Variants in RRAS2 observed in about 807,000 individuals in gnomAD.
RRAS2 encodes RAS related 2, also known as ras-related protein R-Ras2.
In RRAS2, 7 loss-of-function variants were observed where a neutral mutation model predicts 27.6. The observed-to-expected ratio is 0.25, with a 90% CI of 0.14 to 0.48. The LOEUF is 0.48. Among genes scored for constraint, RRAS2 ranks in the 20% least tolerant of loss-of-function variants. The pLI, the probability that RRAS2 is intolerant of heterozygous loss-of-function variation, is 0.99. For missense variants in RRAS2, 178 were observed against 256.2 expected, an observed-to-expected ratio of 0.69 and a Z score of 2.08; for synonymous variants, 86 against 90.9, an observed-to-expected ratio of 0.95 and a Z score of 0.31.
At chr11:14,287,507 C>A (rs779146154) in intron 4 of RRAS2, among the ~76,000 whole-genome samples, 1 of 151,960 alleles carries the variant, frequency 6.6e-6, no homozygotes, top group Non-Finnish European at 1.5e-5. Context: ...AAAAAGATAC[C>A]TTGTCCTACC....
intron 5 of RRAS2, among the ~76,000 whole-genome samples, chr11:14,280,756 A>AAAAAAAAAAAC (rs1554944198): frequency 8.4e-6 from 1 of 119,254 alleles, no homozygotes; most frequent in African/African-American, 2.8e-5. Context: ...AAAAAAAAAA[A>AAAAAAAAAAAC]AGCAGCCCAC....
At chr11:14,321,943 TTTG>T (rs1482819216) in intron 1 of RRAS2, among the ~76,000 whole-genome samples, 1 of 152,186 alleles carries the variant, frequency 6.6e-6, no homozygotes, top group African/African-American at 2.4e-5. Flanking sequence ...ACAATTGAAC[TTTG>T]TTTAGTACTT....
intron 1 of RRAS2, among the ~76,000 whole-genome samples, chr11:14,349,931 TACTCAGTA>T (rs1278773035): frequency 2.0e-5 from 3 of 152,212 alleles, no homozygotes; most frequent in African/African-American, 7.2e-5. Context: ...GCTGCTTATA[TACTCAGTA>T]TGTGAAACAT....
intron 1 of RRAS2, among the ~76,000 whole-genome samples, chr11:14,353,439 G>T (rs181450863): frequency 3.3e-5 from 5 of 152,114 alleles, no homozygotes; most frequent in Admixed American, 1.3e-4. Context: ...TACAAAATTA[G>T]CTGAGTGTTG....
intron 1 of RRAS2, among the ~76,000 whole-genome samples, chr11:14,312,105 T>C (rs1244321836): frequency 6.6e-6 from 1 of 152,170 alleles, no homozygotes; most frequent in Non-Finnish European, 1.5e-5. Context: ...CCTCAAGTGA[T>C]CCACCCACCT....
chr11:14,291,965 A>G (rs1847405470), intron 4 of RRAS2, among the ~76,000 whole-genome samples: 1 of 152,200 alleles, frequency 6.6e-6, no homozygotes, highest in Non-Finnish European at 1.5e-5. Flanking sequence ...TTTTATATAC[A>G]CTTTACACAC....
Position 14,359,173 on chromosome 11 carries a change from A to G in RRAS2, c.-303T>C. ...GAACGCAGCCTCCAGCGCCGCCACA[A>G]ATGGCCGTCTGGGGGCCGGGCTGCC... is the stretch of plus-strand genomic sequence containing the variant. On this transcript the variant is annotated 5_prime_UTR_variant, in exon 1 of 6. Coordinates refer to ENST00000256196, the MANE Select transcript of RRAS2 (RefSeq NM_012250.6). The G allele has an allele frequency of 1.0e-6, 1 of 1,003,534 alleles. No homozygotes were observed. Among genetic ancestry groups the G allele is most frequent in the Non-Finnish European group, 1.2e-6 (1 of 842,668 alleles). 62.2% of individuals were successfully genotyped at this position (1,003,534 alleles called of 1,614,324 possible). A position where few individuals can be genotyped will look rare whatever the true frequency, so the allele number is the denominator to read the frequency against.
chr11:14,279,492 T>C (rs1270916499), intron 5 of RRAS2, 68 bp from the exon 6 acceptor site: 1 of 1,152,926 alleles, frequency 8.7e-7, no homozygotes, highest in African/African-American at 1.5e-5. Context: ...CACAGGTTAT[T>C]TTTTGTACAA....
intron 1 of RRAS2, among the ~76,000 whole-genome samples, chr11:14,353,765 C>T (rs1465764008): frequency 2.0e-5 from 3 of 152,132 alleles, no homozygotes; most frequent in African/African-American, 7.2e-5. Context: ...TTTCCTTCTT[C>T]TCCAAAGGCA....
chr11:14,320,026 AC>A (rs1554950071), intron 1 of RRAS2, among the ~76,000 whole-genome samples: 1 of 152,238 alleles, frequency 6.6e-6, no homozygotes, highest in African/African-American at 2.4e-5. Context: ...GAAAAATGTC[AC>A]CATGAGAGAG....
intron 2 of RRAS2, among the ~76,000 whole-genome samples, chr11:14,295,436 C>T (rs2133962934): frequency 6.6e-6 from 1 of 152,338 alleles, no homozygotes; most frequent in Non-Finnish European, 1.5e-5. Flanking sequence ...TCTATATTCA[C>T]TTCATCCATT....
chr11:14,307,528 A>C (rs1847861558), intron 1 of RRAS2, among the ~76,000 whole-genome samples: 1 of 39,674 alleles, frequency 2.5e-5, no homozygotes, highest in South Asian at 1.2e-3. Flanking sequence ...AGCTGGGATA[A>C]CAGCGCCCAC....
At chr11:14,311,468 G>T (rs890850775) in intron 1 of RRAS2, among the ~76,000 whole-genome samples, 9 of 152,214 alleles carry the variant, frequency 5.9e-5, no homozygotes, top group African/African-American at 1.7e-4. Flanking sequence ...CCTGGTTCAA[G>T]CAATTTTCCT....
At chr11:14,352,576 G>A (rs571697339) in intron 1 of RRAS2, among the ~76,000 whole-genome samples, 37 of 151,962 alleles carry the variant, frequency 2.4e-4, no homozygotes, top group Admixed American at 1.7e-3. Context: ...CTGTCTACAC[G>A]CAAAGTGAAA....
At chr11:14,342,456 A>G (rs1213376679) in intron 1 of RRAS2, among the ~76,000 whole-genome samples, 1 of 152,208 alleles carries the variant, frequency 6.6e-6, no homozygotes, top group African/African-American at 2.4e-5. Flanking sequence ...TAGAAAATGA[A>G]ATAGTCATAA....
intron 1 of RRAS2, among the ~76,000 whole-genome samples, chr11:14,319,839 G>A (rs375177849): frequency 6.6e-6 from 1 of 152,170 alleles, no homozygotes; most frequent in Non-Finnish European, 1.5e-5. Flanking sequence ...ATTTTTCAGA[G>A]CGCAGAAAAG....
upstream of RRAS2, among the ~76,000 whole-genome samples, chr11:14,360,085 C>T (rs551663166): frequency 3.5e-4 from 53 of 151,932 alleles, no homozygotes; most frequent in African/African-American, 1.2e-3. Flanking sequence ...ATTCTCACTC[C>T]GGGAGGAACA....
At chr11:14,283,051 A>C (rs1360528567) in intron 4 of RRAS2, among the ~76,000 whole-genome samples, 1 of 152,068 alleles carries the variant, frequency 6.6e-6, no homozygotes, top group East Asian at 1.9e-4. Context: ...TCAGTTAGAG[A>C]ATTTTTTTGT....
intron 1 of RRAS2, among the ~76,000 whole-genome samples, chr11:14,334,381 GAATT>G (rs1261047368): frequency 6.6e-6 from 1 of 151,926 alleles, no homozygotes; most frequent in Non-Finnish European, 1.5e-5. Flanking sequence ...TAAGATATGA[GAATT>G]ATTTGTATCA....
Sources: gnomAD v4.1 joint callset for allele counts (sites outside exome capture counted in the v4.1 genomes callset) on GRCh38, gnomAD v4.1.1 for gene constraint, MANE v1.5 for transcripts, NCBI Gene and HGNC (gene_info 2026-07-23, HGNC 2026-07-21) for gene names.